Variants in KCNN2 observed in about 807,000 individuals in gnomAD.
The protein encoded by KCNN2 is small conductance calcium-activated potassium channel protein 2.
KCNN2 carries 24 observed loss-of-function variants against 55.5 expected under a neutral mutation model. The observed-to-expected ratio is 0.43, with a 90% CI of 0.31 to 0.61. KCNN2 has a LOEUF of 0.61. KCNN2 is among the 20% of genes least tolerant of loss of function. KCNN2 has a pLI of 0.08. For missense variants in KCNN2, 754 were observed against 853.6 expected, an observed-to-expected ratio of 0.88 and a Z score of 1.45; for synonymous variants, 431 against 336.1, an observed-to-expected ratio of 1.28 and a Z score of -3.09.
intron 1 of KCNN2, among the ~76,000 whole-genome samples, chr5:114,172,724 A>G (rs1246751647): frequency 6.6e-6 from 1 of 150,956 alleles, no homozygotes; most frequent in Non-Finnish European, 1.5e-5. Context: ...TGCCTGTTTG[A>G]CACTTGTATG....
intron 6 of KCNN2, chr5:114,490,597 A>G (rs1224156519): frequency 2.5e-6 from 1 of 397,264 alleles, no homozygotes; most frequent in Non-Finnish European, 4.4e-6. Flanking sequence ...CCCCTTGTGC[A>G]CAACTGAACA....
chr5:114,196,116 A>G lies in KCNN2; in HGVS notation c.-270-25364A>G, dbSNP rs536135309. On this transcript the variant is annotated intron_variant, in intron 1 of 10. Coordinates refer to the KCNN2 transcript ENST00000512097. ...CAGTTGAATATAAATATAAGCCTTT[A>G]TTGTGATCATAGTTTTTGCCCTCTA... Among the ~76,000 whole-genome samples the G allele has an allele frequency of 2.0e-5, 3 of 152,024 alleles. No homozygotes were observed. The East Asian group carries it at 5.8e-4, about 29-fold the overall frequency.
intron 3 of KCNN2, among the ~76,000 whole-genome samples, chr5:114,427,568 T>G (rs904740668): frequency 2.0e-5 from 3 of 152,250 alleles, no homozygotes; most frequent in Non-Finnish European, 4.4e-5. Flanking sequence ...ATTTGTACTC[T>G]GGAGCAGTTT....
intron 1 of KCNN2, among the ~76,000 whole-genome samples, chr5:114,170,293 C>T (rs1753006768): frequency 6.6e-6 from 1 of 152,016 alleles, no homozygotes; most frequent in South Asian, 2.1e-4. Context: ...ATATATTTTA[C>T]AACTAAATGA....
chr5:114,164,926 G>T (rs533852014), intron 1 of KCNN2, among the ~76,000 whole-genome samples: 4 of 152,036 alleles, frequency 2.6e-5, no homozygotes, highest in Non-Finnish European at 5.9e-5. Flanking sequence ...TTTTTTGCAC[G>T]TAATAATTAA....
intron 3 of KCNN2, among the ~76,000 whole-genome samples, chr5:114,408,626 C>A (rs1449914907): frequency 3.3e-5 from 5 of 151,966 alleles, no homozygotes. Context: ...AAGATAAGCC[C>A]TAATTAAAAA....
rs533623066 is a variant in KCNN2, at chr5:114,270,263, C to G, written c.-185+48698C>G. On this transcript the variant is annotated intron_variant, in intron 2 of 10. Transcript: ENST00000512097. ...AAATTAGCCAGTAAAGAACAGTTTG[C>G]TTTAGATAAATAATATATTGAAAAT... is the stretch of plus-strand genomic sequence containing the variant. 2.6e-5 allele frequency among the ~76,000 whole-genome samples: 4 copies of G among 152,260 alleles called. No homozygotes were observed. In the South Asian group the frequency reaches 8.3e-4, roughly 32 times the overall value.
chr5:114,238,540 C>G (rs931411562), intron 2 of KCNN2, among the ~76,000 whole-genome samples: 1 of 151,612 alleles, frequency 6.6e-6, no homozygotes, highest in Admixed American at 6.6e-5. Context: ...GCAGGAGAAT[C>G]GCTTGAACCC....
chr5:114,426,032 AT>A (rs1458763564), intron 3 of KCNN2, among the ~76,000 whole-genome samples: 1 of 150,864 alleles, frequency 6.6e-6, no homozygotes, highest in African/African-American at 2.5e-5. Context: ...AAAAAAAAAA[AT>A]TAGCTGGGCA....
At chr5:114,108,680 G>T (rs1751536058) in intron 1 of KCNN2, among the ~76,000 whole-genome samples, 1 of 152,046 alleles carries the variant, frequency 6.6e-6, no homozygotes, top group Admixed American at 6.6e-5. Flanking sequence ...AGTCATGCAT[G>T]CTGTTGCATG....
chr5:114,406,349 C>T (rs779638460), intron 3 of KCNN2, among the ~76,000 whole-genome samples: 13 of 150,236 alleles, frequency 8.7e-5, no homozygotes, highest in Admixed American at 5.3e-4. Context: ...TTTTTTTCCC[C>T]GTATATAAAC....
intron 1 of KCNN2, among the ~76,000 whole-genome samples, chr5:114,085,017 A>G (rs1381338150): frequency 1.3e-5 from 2 of 150,212 alleles, no homozygotes; most frequent in Non-Finnish European, 1.5e-5. Context: ...TGAGATATAT[A>G]TATATATTTT....
At chr5:114,446,043 A>AAC (rs993484445) in intron 3 of KCNN2, among the ~76,000 whole-genome samples, 9 of 152,148 alleles carry the variant, frequency 5.9e-5, no homozygotes, top group African/African-American at 2.2e-4. Context: ...TTCTGGATAG[A>AAC]CGTTACTGGC....
Position 114,496,261 on chromosome 5 carries a change from T to C in KCNN2, c.*79T>C, listed in dbSNP as rs1748116162. ...TTTAGCTTTTATTGTAAAGCCCCTA[T>C]GGTTCTAATCAGCGTTATCCGGGTT... On this transcript the variant is annotated 3_prime_UTR_variant, in exon 8 of 8. Coordinates refer to ENST00000673685, the MANE Select transcript of KCNN2 (RefSeq NM_021614.4). 2 of 1,469,830 alleles carry C rather than the reference T, an allele frequency of 1.4e-6. No homozygotes were observed. The allele number at this position is 1,469,830 out of a possible 1,614,324, so 91.0% of individuals were successfully genotyped here. A position where few individuals can be genotyped will look rare whatever the true frequency, so the allele number is the denominator to read the frequency against.
intron 3 of KCNN2, among the ~76,000 whole-genome samples, chr5:114,431,894 T>C (rs1759808027): frequency 6.6e-6 from 1 of 152,228 alleles, no homozygotes; most frequent in Non-Finnish European, 1.5e-5. Flanking sequence ...TTTCCAGTTA[T>C]CTTTGTGTTT....
chr5:114,491,533 G>GA lies in KCNN2; in HGVS notation c.2019-1855dup, dbSNP rs1289351712. Among the ~76,000 whole-genome samples the GA allele has an allele frequency of 9.3e-3, 851 of 91,704 alleles. 8 individuals are homozygous for GA. The highest frequency in any genetic ancestry group is 0.013 in the Non-Finnish European group (576 of 43,864). The allele number at this position is 91,704 out of a possible 152,430, so 60.2% of individuals were successfully genotyped here. ...TCTTTTTTTTTTTTTTTTAAAAAAAGAAAAAAAAAAAAAAAGCAGGTGTTA... is the reference window on the plus strand; with the variant it reads ...TCTTTTTTTTTTTTTTTTAAAAAAAGAAAAAAAAAAAAAAAAGCAGGTGTTA... On this transcript the variant is annotated intron_variant, in intron 6 of 7. Transcript: ENST00000673685.
At chr5:114,323,747 C>T (rs1293747002) in intron 2 of KCNN2, among the ~76,000 whole-genome samples, 1 of 147,422 alleles carries the variant, frequency 6.8e-6, no homozygotes, top group Admixed American at 7.2e-5. Flanking sequence ...CTCCGTCTGC[C>T]CGGTTCAAGA....
intron 1 of KCNN2, among the ~76,000 whole-genome samples, chr5:114,109,582 A>C (rs960821799): frequency 1.3e-5 from 2 of 152,068 alleles, no homozygotes; most frequent in Admixed American, 6.6e-5. Context: ...CTTGGAGAGT[A>C]ATGACACAAC....
At chr5:114,089,084 A>T (rs1038796994) in intron 1 of KCNN2, among the ~76,000 whole-genome samples, 1 of 142,754 alleles carries the variant, frequency 7.0e-6, no homozygotes, top group African/African-American at 2.6e-5. Context: ...TATTGACTGA[A>T]ATTTCTGTCA....
Sources: gnomAD v4.1 joint callset for allele counts (sites outside exome capture counted in the v4.1 genomes callset) on GRCh38, gnomAD v4.1.1 for gene constraint, MANE v1.5 for transcripts, NCBI Gene and HGNC (gene_info 2026-07-23, HGNC 2026-07-21) for gene names.